Variants in PRKD1 observed in about 807,000 individuals in gnomAD.
PRKD1 encodes protein kinase D1.
PRKD1 carries 63 observed loss-of-function variants against 95.9 expected under a neutral mutation model. The observed-to-expected ratio is 0.66, with a 90% CI of 0.54 to 0.81. The LOEUF is 0.81. Ranked by LOEUF, PRKD1 falls within the 30% of genes least tolerant of loss-of-function variation. PRKD1 has a pLI of 0.00. For missense variants in PRKD1, 1,048 were observed against 1,165.3 expected (o/e 0.90, Z 1.47); for synonymous variants, 425 against 423.1 (o/e 1.00, Z -0.05).
At chr14:29,742,580 G>A (rs1175075703) in intron 1 of PRKD1, among the ~76,000 whole-genome samples, 1 of 152,002 alleles carries the variant, frequency 6.6e-6, no homozygotes, top group African/African-American at 2.4e-5. Context: ...AAAATAGCAA[G>A]TTACACTTGA....
intron 1 of PRKD1, among the ~76,000 whole-genome samples, chr14:29,752,810 G>A (rs1887539864): frequency 1.3e-5 from 2 of 151,972 alleles, no homozygotes; most frequent in African/African-American, 2.4e-5. Context: ...AAAAGAATAT[G>A]TTTAGAAACG....
At chr14:29,741,371 T>C (rs1886972849) in intron 1 of PRKD1, among the ~76,000 whole-genome samples, 1 of 152,236 alleles carries the variant, frequency 6.6e-6, no homozygotes, top group South Asian at 2.1e-4. Context: ...TATACATATA[T>C]GACATATGTC....
At chr14:29,616,671 G>T (rs1878890967) in intron 13 of PRKD1, among the ~76,000 whole-genome samples, 2 of 152,086 alleles carry the variant, frequency 1.3e-5, no homozygotes, top group Non-Finnish European at 2.9e-5. Flanking sequence ...ACAAACACGG[G>T]TCTTACTGGA....
chr14:29,586,641 T>C (rs529517124), intron 16 of PRKD1, among the ~76,000 whole-genome samples: 42 of 152,300 alleles, frequency 2.8e-4, no homozygotes, highest in African/African-American at 1.0e-3. Flanking sequence ...ACTCTCTCCT[T>C]TTTTTGTTTG....
intron 1 of PRKD1, among the ~76,000 whole-genome samples, chr14:29,772,007 CA>C (rs1888530568): frequency 6.6e-6 from 1 of 152,190 alleles, no homozygotes; most frequent in South Asian, 2.1e-4. Flanking sequence ...CACAGGCTCA[CA>C]ACTGGAGAGA....
chr14:29,813,694 T>C (rs750055417), intron 1 of PRKD1, among the ~76,000 whole-genome samples: 1 of 152,176 alleles, frequency 6.6e-6, no homozygotes, highest in Non-Finnish European at 1.5e-5. Context: ...ACTCAATAGA[T>C]ATTAGCAATT....
chr14:29,605,759 TGAA>T (rs1265203944), intron 13 of PRKD1, among the ~76,000 whole-genome samples: 1 of 152,242 alleles, frequency 6.6e-6, no homozygotes, highest in African/African-American at 2.4e-5. Flanking sequence ...GATTGAAAGA[TGAA>T]GAGTCTCTAC....
chr14:29,881,475 C>A lies in PRKD1; in HGVS notation c.264+45774G>T, dbSNP rs1275762576. On this transcript the variant is annotated intron_variant, in intron 1 of 17. Coordinates refer to ENST00000331968, the MANE Select transcript of PRKD1 (RefSeq NM_002742.3). ...TCAGCAGCGTGAAAATGGACTAACA[C>A]ACCACATTTCCTTAGTTTCCTGAAA... Among the ~76,000 whole-genome samples, 3 of 152,182 alleles carry A rather than the reference C, an allele frequency of 2.0e-5. No individual in the cohort carries two copies. In the East Asian group the frequency reaches 5.8e-4, roughly 29 times the overall value.
intron 1 of PRKD1, among the ~76,000 whole-genome samples, chr14:29,906,375 C>A (rs1159961267): frequency 6.6e-6 from 1 of 151,868 alleles, no homozygotes; most frequent in African/African-American, 2.4e-5. Context: ...TCCGTCTCTA[C>A]AGAAAATTTA....
intron 1 of PRKD1, among the ~76,000 whole-genome samples, chr14:29,755,339 T>G (rs1887649911): frequency 6.6e-6 from 1 of 152,184 alleles, no homozygotes; most frequent in South Asian, 2.1e-4. Flanking sequence ...AATTTCTCCA[T>G]AAAATATAAG....
intron 1 of PRKD1, among the ~76,000 whole-genome samples, chr14:29,798,400 T>G (rs1047107036): frequency 2.6e-5 from 4 of 152,176 alleles, no homozygotes; most frequent in Admixed American, 2.6e-4. Context: ...AGCTTCTAAT[T>G]TGCAAAAGCA....
chr14:29,596,403 G>A (rs542906248), intron 16 of PRKD1, among the ~76,000 whole-genome samples: 13 of 152,292 alleles, frequency 8.5e-5, no homozygotes, highest in African/African-American at 2.9e-4. Context: ...CAGACTACCT[G>A]GGTAAGAATT....
At chr14:29,869,161 G>A (rs1463063997) in intron 1 of PRKD1, among the ~76,000 whole-genome samples, 2 of 152,142 alleles carry the variant, frequency 1.3e-5, no homozygotes, top group Admixed American at 6.5e-5. Context: ...AAGAAGAAGA[G>A]GCTGGGTGTG....
chr14:29,640,783 T>G (rs1294570249), intron 4 of PRKD1, among the ~76,000 whole-genome samples: 1 of 152,210 alleles, frequency 6.6e-6, no homozygotes, highest in Non-Finnish European at 1.5e-5. Flanking sequence ...GATGTCACAC[T>G]TTGTTAGCAG....
chr14:29,716,324 G>A (rs202008428), intron 2 of PRKD1, among the ~76,000 whole-genome samples: 7 of 152,104 alleles, frequency 4.6e-5, no homozygotes, highest in Non-Finnish European at 5.9e-5. Context: ...TGAAAACCAC[G>A]GTATGTATTG....
At chr14:29,733,042 T>A (rs1218380054) in intron 1 of PRKD1, among the ~76,000 whole-genome samples, 2 of 151,478 alleles carry the variant, frequency 1.3e-5, no homozygotes, top group Non-Finnish European at 2.9e-5. Flanking sequence ...GTTTGGATAA[T>A]TTCCATTGCT....
intron 1 of PRKD1, among the ~76,000 whole-genome samples, chr14:29,765,027 C>A (rs1469367847): frequency 1.3e-5 from 2 of 152,028 alleles, no homozygotes; most frequent in African/African-American, 2.4e-5. Context: ...TTACTAAAAC[C>A]CCCAAAGAAA....
intron 1 of PRKD1, among the ~76,000 whole-genome samples, chr14:29,869,314 G>A (rs1174842371): frequency 1.3e-5 from 2 of 151,932 alleles, no homozygotes; most frequent in South Asian, 2.1e-4. Context: ...ATGGTGCCAC[G>A]TGCCTGTAAT....
chr14:29,610,224 A>G (rs1410935778), intron 13 of PRKD1, among the ~76,000 whole-genome samples: 1 of 152,240 alleles, frequency 6.6e-6, no homozygotes, highest in African/African-American at 2.4e-5. Flanking sequence ...TGAGAAAAAA[A>G]GCCACAGACT....
Sources: gnomAD v4.1 joint callset for allele counts (sites outside exome capture counted in the v4.1 genomes callset) on GRCh38, gnomAD v4.1.1 for gene constraint, MANE v1.5 for transcripts, NCBI Gene and HGNC (gene_info 2026-07-23, HGNC 2026-07-21) for gene names.